The following TBC1D4 variants were observed in gnomAD, a reference collection of about 807,000 sequenced individuals.
TBC1D4 encodes TBC1 domain family member 4, also known as TBC (Tre-2, BUB2, CDC16) domain-containing protein.
TBC1D4 carries 121 observed loss-of-function variants against 142.5 expected under a neutral mutation model. That is an observed-to-expected ratio of 0.85 (90% confidence interval 0.73 to 0.99). The LOEUF is 0.99. Ranked by LOEUF, TBC1D4 falls within the 50% of genes least tolerant of loss-of-function variation. TBC1D4 has a pLI of 0.00. For synonymous variants in TBC1D4, 630 were observed against 628.2 expected (o/e 1.00, Z -0.04); for missense variants, 1,475 against 1,606.6 (o/e 0.92, Z 1.40).
chr13:75,295,446 C>T (rs1175614475), intron 17 of TBC1D4, among the ~76,000 whole-genome samples: 1 of 152,166 alleles, frequency 6.6e-6, no homozygotes, highest in Non-Finnish European at 1.5e-5. Flanking sequence ...TTTACTGAGA[C>T]CAGCATGTGA....
chr13:75,357,387 C>A (rs1332578819), intron 3 of TBC1D4, among the ~76,000 whole-genome samples: 1 of 152,110 alleles, frequency 6.6e-6, no homozygotes, highest in Non-Finnish European at 1.5e-5. Context: ...ACTACCAGCC[C>A]CCCATATGAC....
rs559972730 is a variant in TBC1D4 at position 75,362,472 on chromosome 13, C to T, written c.634G>A (p.Val212Met). The change falls in exon 2 of 21, where the codon GTG becomes ATG. Residue 212 changes from valine to methionine, a missense_variant. This residue lies in a region of TBC1D4 where 1,227 missense variants were observed against 1,267.7 expected (regional missense o/e 0.97). Transcript: ENST00000377636. This position sits in a 1 kb window ranked among gnomAD's most constrained non-coding sequence, Gnocchi z 4.2. ...CTTGAGGGGGCCTTCTTGTGGGTCA[C>T]GGTCACCTTTCCACAGTACAGGACT... ...FEVLYCGKVT[V>M]THKKAPSSLI... 6 of 1,614,206 alleles carry T rather than the reference C, an allele frequency of 3.7e-6. No homozygotes were observed. In the South Asian group the frequency reaches 6.6e-5, roughly 18 times the overall value.
chr13:75,343,581 G>A (rs750575892), intron 5 of TBC1D4, among the ~76,000 whole-genome samples: 2 of 151,960 alleles, frequency 1.3e-5, no homozygotes, highest in Non-Finnish European at 1.5e-5. Flanking sequence ...GCAATGGCGC[G>A]ATCTCGACTC....
chr13:75,406,501 G>T (rs1169316733), intron 1 of TBC1D4, among the ~76,000 whole-genome samples: 1 of 152,074 alleles, frequency 6.6e-6, no homozygotes, highest in African/African-American at 2.4e-5. Flanking sequence ...TTTCTCCAAG[G>T]ACATGTTGCA....
At chr13:75,334,032 G>C (rs1879983037) in intron 8 of TBC1D4, among the ~76,000 whole-genome samples, 1 of 152,104 alleles carries the variant, frequency 6.6e-6, no homozygotes, top group Non-Finnish European at 1.5e-5. Flanking sequence ...TGATCACTTG[G>C]TGGTGCCTGC....
At chr13:75,291,283 C>G (rs933537296) in intron 19 of TBC1D4, among the ~76,000 whole-genome samples, 1 of 152,138 alleles carries the variant, frequency 6.6e-6, no homozygotes. Flanking sequence ...GTATTTCTTC[C>G]CTGATCCTTC....
chr13:75,436,273 AC>A (rs1011380028), intron 1 of TBC1D4, among the ~76,000 whole-genome samples: 1 of 151,972 alleles, frequency 6.6e-6, no homozygotes, highest in Non-Finnish European at 1.5e-5. Flanking sequence ...TTTATAAATT[AC>A]CCAGTCTCGG....
intron 3 of TBC1D4, among the ~76,000 whole-genome samples, chr13:75,359,045 A>G (rs1442825782): frequency 2.6e-5 from 4 of 152,208 alleles, no homozygotes; most frequent in Admixed American, 2.0e-4. Flanking sequence ...GGACCTTGGC[A>G]AGATCCAGCT....
chr13:75,406,302 C>T (rs1885337544), intron 1 of TBC1D4, among the ~76,000 whole-genome samples: 1 of 152,204 alleles, frequency 6.6e-6, no homozygotes, highest in South Asian at 2.1e-4. Context: ...TATTTACGTA[C>T]TTTACTTAAA....
In TBC1D4 at chr13:75,283,842, G is replaced by T. The variant is rs192839161; in HGVS notation, c.*2950C>A. Among the ~76,000 whole-genome samples the T allele has an allele frequency of 2.1e-4, 32 of 152,288 alleles. No individual in the cohort carries two copies. The highest frequency in any genetic ancestry group is 1.8e-4 in the Non-Finnish European group (12 of 68,020). ...CTGACTCTATTAGGAAGAATTATTT[G>T]TGTAGCAATTTTAAGTAGGTACAAT... On this transcript the variant is annotated 3_prime_UTR_variant, in exon 21 of 21. Transcript: ENST00000377636.
At chr13:75,320,254 T>A (rs1593721251) in intron 11 of TBC1D4, among the ~76,000 whole-genome samples, 1 of 152,318 alleles carries the variant, frequency 6.6e-6, no homozygotes, top group Admixed American at 6.5e-5. Context: ...TCAAAGATTT[T>A]ATTTTCTCAT....
intron 13 of TBC1D4, 111 bp from the exon 14 acceptor site, chr13:75,310,262 G>A: frequency 1.8e-6 from 2 of 1,121,262 alleles, no homozygotes; most frequent in South Asian, 2.7e-5. Context: ...ATGTCACAAA[G>A]CCGCTTTCCC....
chr13:75,290,040 G>A (rs1205653000), intron 19 of TBC1D4, among the ~76,000 whole-genome samples: 6 of 151,898 alleles, frequency 4.0e-5, no homozygotes, highest in Non-Finnish European at 5.9e-5. Context: ...TGGATACAAT[G>A]GATTATTATA....
At chr13:75,341,022 C>G in intron 7 of TBC1D4, 103 bp downstream of exon 7, 3 of 983,724 alleles carry the variant, frequency 3.0e-6, no homozygotes, top group Non-Finnish European at 4.9e-6. Flanking sequence ...TCAGGAAACT[C>G]TGATAGGACT....
chr13:75,463,482 T>G (rs1888053200), intron 1 of TBC1D4, among the ~76,000 whole-genome samples: 1 of 152,208 alleles, frequency 6.6e-6, no homozygotes, highest in South Asian at 2.1e-4. Context: ...ATTCTGATTC[T>G]ACATCTCTAC....
chr13:75,293,542 T>C (rs1875562929), intron 18 of TBC1D4, among the ~76,000 whole-genome samples: 1 of 152,064 alleles, frequency 6.6e-6, no homozygotes, highest in African/African-American at 2.4e-5. Flanking sequence ...GGAAGAAAAA[T>C]GTATATAAAC....
At chr13:75,397,011 C>T (rs540720273) in intron 1 of TBC1D4, among the ~76,000 whole-genome samples, 1 of 152,210 alleles carries the variant, frequency 6.6e-6, no homozygotes, top group South Asian at 2.1e-4. Context: ...GGACACATTG[C>T]CATCAGTCCC....
chr13:75,320,109 G>A (rs1878629481), intron 11 of TBC1D4, 72 bp from the exon 12 acceptor site: 1 of 1,537,818 alleles, frequency 6.5e-7, no homozygotes, highest in African/African-American at 1.4e-5. Flanking sequence ...CAGGATAAAA[G>A]GCATTCCAAT....
intron 1 of TBC1D4, among the ~76,000 whole-genome samples, chr13:75,401,796 A>G (rs1476170937): frequency 2.0e-5 from 3 of 152,204 alleles, no homozygotes; most frequent in African/African-American, 7.2e-5. Flanking sequence ...TCAACCTAGA[A>G]ACCATAGGAA....
Sources: gnomAD v4.1 joint callset for allele counts (sites outside exome capture counted in the v4.1 genomes callset) on GRCh38, gnomAD v4.1.1 for gene constraint, gnomAD v4.1.1 regional missense constraint, Gnocchi (gnomAD v3.1) non-coding constraint, MANE v1.5 for transcripts, NCBI Gene and HGNC (gene_info 2026-07-23, HGNC 2026-07-21) for gene names.